HTT: variants seen among roughly 807,000 people sequenced by gnomAD.
HTT encodes huntingtin.
HTT carries 104 observed loss-of-function variants against 362.3 expected under a neutral mutation model. The observed-to-expected ratio is 0.29, with a 90% CI of 0.24 to 0.34. The LOEUF (loss-of-function observed/expected upper bound fraction) is 0.34. HTT is among the 10% of genes least tolerant of loss of function. The pLI is 1.00. For missense variants in HTT, 3,301 were observed against 3,928.6 expected (o/e 0.84, Z 4.27); for synonymous variants, 1,577 against 1,548.7 (o/e 1.02, Z -0.43).
At chr4:3,188,810 G>T (rs1578572985) in intron 39 of HTT, 141 bp from the exon 40 acceptor site, 4 of 750,348 alleles carry the variant, frequency 5.3e-6, no homozygotes, top group East Asian at 5.5e-5. Flanking sequence ...CGGCGACGGC[G>T]CTCTGCATTT....
rs1458802684 is a variant in HTT at position 3,215,126 on chromosome 4, A to T, written c.6969A>T (p.Gly2323=). The change falls in exon 51 of 67, where the codon GGA becomes GGT. Residue 2323 remains glycine (G), a synonymous_variant. Coordinates refer to ENST00000355072, the MANE Select transcript of HTT (RefSeq NM_001388492.1). ...TAATTTTAGTTGCAGTGCAGCCTGG[A>T]GAGCAGCTTCTTAGTCCAGAAAGAA... The part of the protein sequence containing the change: ...FILEAVAVQP[G]EQLLSPERRT... 5 of 1,613,952 alleles carry T rather than the reference A, an allele frequency of 3.1e-6. No individual in the cohort carries two copies. The Admixed American group carries it at 8.3e-5, about 27-fold the overall frequency.
chr4:3,083,749 C>T (rs529763515), intron 1 of HTT, among the ~76,000 whole-genome samples: 3 of 152,006 alleles, frequency 2.0e-5, no homozygotes, highest in Non-Finnish European at 4.4e-5. Context: ...CTGAACATAC[C>T]GTTAGTATAC....
chr4:3,144,565 C>G (rs1258625827), intron 23 of HTT, among the ~76,000 whole-genome samples: 1 of 152,168 alleles, frequency 6.6e-6, no homozygotes, highest in African/African-American at 2.4e-5. Context: ...ATCCACCCAC[C>G]TCGGCCTCCC....
rs754377322 is a variant in HTT at position 3,242,433 on chromosome 4, C to T, written c.*2374C>T. 6.6e-6 allele frequency: 1 copy of T among 152,216 alleles called. No individual in the cohort carries two copies. The highest frequency in any genetic ancestry group is 2.4e-5 in the African/African-American group (1 of 41,454). The allele number at this position is 152,216 out of a possible 1,614,324, so 9.4% of individuals were successfully genotyped here. A position where few individuals can be genotyped will look rare whatever the true frequency, so the allele number is the denominator to read the frequency against. On this transcript the variant is annotated 3_prime_UTR_variant, in exon 67 of 67. Transcript: ENST00000355072. ...ATAGACACATCTATAATTTTACACA[C>T]ACACCTCTCAAGACGGAGATGCATG... is the stretch of plus-strand genomic sequence containing the variant.
At chr4:3,191,000 T>G (rs1487167811) in intron 40 of HTT, among the ~76,000 whole-genome samples, 1 of 152,176 alleles carries the variant, frequency 6.6e-6, no homozygotes, top group East Asian at 1.9e-4. Context: ...TGTTCAGCAG[T>G]TGATCTGTTG....
At chr4:3,179,332 C>G (rs1560581947) in intron 35 of HTT, among the ~76,000 whole-genome samples, 1 of 152,180 alleles carries the variant, frequency 6.6e-6, no homozygotes, top group Non-Finnish European at 1.5e-5. Context: ...TGTTTGGTTT[C>G]CTGGACTTGG....
Position 3,205,276 on chromosome 4 carries a change from T to C in HTT, c.5718+1128T>C, listed in dbSNP as rs559473910. 1.1e-4 allele frequency among the ~76,000 whole-genome samples: 17 copies of C among 152,258 alleles called. No homozygotes were observed. In the South Asian group the frequency reaches 1.2e-3, roughly 11 times the overall value. On this transcript the variant is annotated intron_variant, in intron 42 of 66. Coordinates refer to ENST00000355072, the MANE Select transcript of HTT (RefSeq NM_001388492.1). The stretch of plus-strand genomic sequence containing the variant: ...TTATATTAAAAATATTTAAAACATA[T>C]GCATTTCTTTGTCACAAACATGGTA...
rs1298700162 is a variant in HTT at position 3,218,731 on chromosome 4, CT to C, written c.7242+781del. Among the ~76,000 whole-genome samples, 2 of 152,268 alleles carry C rather than the reference CT, an allele frequency of 1.3e-5. No individual in the cohort carries two copies. The highest frequency in any genetic ancestry group is 2.9e-5 in the Non-Finnish European group (2 of 68,020). On this transcript the variant is annotated intron_variant, in intron 52 of 66. Transcript: ENST00000355072. The surrounding 1 kb of genome is among the most constrained non-coding windows in gnomAD (Gnocchi z 4.4). ...GTGAGGGTTGATGGAGGGGGACTGA[CT>C]TCTGCCCAGTGAAATGGCATCATCT...
At chr4:3,092,860 T>C (rs141877556) in intron 2 of HTT, among the ~76,000 whole-genome samples, 17 of 152,384 alleles carry the variant, frequency 1.1e-4, no homozygotes, top group Non-Finnish European at 2.4e-4. Flanking sequence ...TTTCAAGTTA[T>C]TGGGCATCAG....
intron 2 of HTT, among the ~76,000 whole-genome samples, chr4:3,093,905 GTTTTT>G (rs67455911): frequency 4.2e-5 from 1 of 23,898 alleles, no homozygotes; most frequent in Non-Finnish European, 7.1e-5. Flanking sequence ...CTTTAAGTTG[GTTTTT>G]TTTTTTTTTT....
intron 53 of HTT, among the ~76,000 whole-genome samples, chr4:3,221,773 G>T (rs1411099311): frequency 6.6e-6 from 1 of 152,210 alleles, no homozygotes; most frequent in African/African-American, 2.4e-5. Context: ...GGGATGGAGG[G>T]TCTGTCGGAT....
intron 18 of HTT, among the ~76,000 whole-genome samples, chr4:3,134,095 G>T (rs1474309787): frequency 6.6e-6 from 1 of 152,172 alleles, no homozygotes; most frequent in East Asian, 1.9e-4. Context: ...CTGTGCGGCA[G>T]GCCCCTCTGT....
Position 3,178,441 on chromosome 4 carries a change from C to T in HTT, c.4607C>T (p.Thr1536Ile), listed in dbSNP as rs752156281. The T allele has an allele frequency of 2.2e-5, 36 of 1,613,440 alleles. No homozygotes were observed. Among genetic ancestry groups the T allele is most frequent in the Non-Finnish European group, 2.9e-5 (34 of 1,179,742 alleles). ...ATGGCCAGTGGAAGGAAGGCTGTGA[C>T]ACATGGTAACGGGACACACCTTTCA... ...GIMASGRKAV[T>I]HAIPALQPIV... Residue 1536 changes from threonine (T) to isoleucine (I), a missense_variant, in exon 35 of 67, where the codon ACA becomes ATA. By Grantham distance (89) the Thr-to-Ile change is moderately conservative (BLOSUM62 -1). Around this residue, in one of 4 missense-constraint regions of HTT, gnomAD observed 2,316 missense variants for 2,658.5 expected, o/e 0.87. Coordinates refer to ENST00000355072, the MANE Select transcript of HTT (RefSeq NM_001388492.1).
At position 3,242,513 on chromosome 4, in the gene HTT, G is replaced by T. The variant is rs778147682; in HGVS notation, c.*2454G>T. Reference sequence around the variant, plus strand: ...CTGGAAGTTGACTTTCCTTAGACCCGCCAGGTCAAGTTAGCCGCGTGACGG... The same window carrying T: ...CTGGAAGTTGACTTTCCTTAGACCCTCCAGGTCAAGTTAGCCGCGTGACGG... On this transcript the variant is annotated 3_prime_UTR_variant, in exon 67 of 67. Coordinates refer to ENST00000355072, the MANE Select transcript of HTT (RefSeq NM_001388492.1). The T allele has an allele frequency of 6.6e-6, 1 of 152,128 alleles. No homozygotes were observed. The highest frequency in any genetic ancestry group is 1.9e-4 in the East Asian group (1 of 5,192). The allele number at this position is 152,128 out of a possible 1,614,324, so 9.4% of individuals were successfully genotyped here.
chr4:3,215,560 A>G (rs1251039652), intron 51 of HTT, among the ~76,000 whole-genome samples: 2 of 152,222 alleles, frequency 1.3e-5, no homozygotes, highest in Non-Finnish European at 2.9e-5. Flanking sequence ...GTTCTCAGAA[A>G]TTAATGCTCG....
rs899048080 is a variant in HTT, at chr4:3,125,704, C to G, written c.1402+75C>G. ...CACCCCTTGCCCTTCCTGCTCGTCC[C>G]CCTGCACCTGGTGGACAGCACGACT... is the stretch of plus-strand genomic sequence containing the variant. On this transcript the variant is annotated intron_variant, in intron 11 of 66. Coordinates refer to ENST00000355072, the MANE Select transcript of HTT (RefSeq NM_001388492.1). 8.3e-6 allele frequency: 9 copies of G among 1,078,840 alleles called. No homozygotes were observed. The African/African-American group carries it at 1.1e-4, about 13-fold the overall frequency. 66.8% of individuals were successfully genotyped at this position (1,078,840 alleles called of 1,614,324 possible).
chr4:3,122,793 T>C, intron 9 of HTT, 96 bp from the exon 10 acceptor site: 1 of 933,184 alleles, frequency 1.1e-6, no homozygotes, highest in East Asian at 2.5e-5. Context: ...ACATTTTCTC[T>C]AGTTTTAAAG....
Position 3,217,759 on chromosome 4 carries a change from G to C in HTT, c.7055-6G>C. 4 of 1,609,128 alleles carry C rather than the reference G, an allele frequency of 2.5e-6. No individual in the cohort carries two copies. Among genetic ancestry groups the C allele is most frequent in the Non-Finnish European group, 3.4e-6 (4 of 1,176,878 alleles). ...AAAAGTCCTCTCTTAACCGTTGCTT[G>C]TTTAGATCCTAAGTATATCACTGCA... is the stretch of plus-strand genomic sequence containing the variant. On this transcript the variant is annotated splice_polypyrimidine_tract_variant and splice_region_variant and intron_variant, in intron 51 of 66. Coordinates refer to ENST00000355072, the MANE Select transcript of HTT (RefSeq NM_001388492.1).
At chr4:3,209,333 G>GGAGCCTTGGTA (rs931213697) in intron 46 of HTT, among the ~76,000 whole-genome samples, 2 of 152,292 alleles carry the variant, frequency 1.3e-5, no homozygotes, top group African/African-American at 2.4e-5. Context: ...GGGACCACCT[G>GGAGCCTTGGTA]GAGCCTTGGT....
Sources: gnomAD v4.1 joint callset for allele counts (sites outside exome capture counted in the v4.1 genomes callset) on GRCh38, gnomAD v4.1.1 for gene constraint, gnomAD v4.1.1 regional missense constraint, Gnocchi (gnomAD v3.1) non-coding constraint, MANE v1.5 for transcripts, NCBI Gene and HGNC (gene_info 2026-07-23, HGNC 2026-07-21) for gene names.